Variants in ERI1 observed in about 807,000 individuals in gnomAD.
The protein encoded by ERI1 is exoribonuclease 1, also known as 3'-5' exoribonuclease 1.
A neutral mutation model predicts 39.7 loss-of-function variants in ERI1; 39 were observed. That is an observed-to-expected ratio of 0.98 (90% CI 0.76 to 1.28). The LOEUF is 1.28. Ranked by LOEUF, ERI1 falls within the 50% of genes most tolerant of loss-of-function variation. The probability of loss-of-function intolerance (pLI) is 0.00; values close to 1 mark genes in which losing one functional copy is unlikely to be tolerated. For synonymous variants in ERI1, 204 were observed against 149.6 expected, an observed-to-expected ratio of 1.36 and a Z score of -2.65; for missense variants, 581 against 416.9, an observed-to-expected ratio of 1.39 and a Z score of -3.43.
At chr8:9,045,351 C>T (rs1416977877) in intron 3 of ERI1, among the ~76,000 whole-genome samples, 3 of 152,142 alleles carry the variant, frequency 2.0e-5, no homozygotes, top group East Asian at 1.9e-4. Context: ...ACTTCCCCAT[C>T]CCACTTACGT....
chr8:9,038,853 G>T (rs1001398447), intron 3 of ERI1, among the ~76,000 whole-genome samples: 5 of 152,188 alleles, frequency 3.3e-5, no homozygotes, highest in African/African-American at 1.2e-4. Context: ...TATATATCTG[G>T]ATTAATATGA....
intron 6 of ERI1, among the ~76,000 whole-genome samples, chr8:9,021,318 C>A (rs1817869088): frequency 6.6e-6 from 1 of 152,126 alleles, no homozygotes; most frequent in Non-Finnish European, 1.5e-5. Flanking sequence ...CTTCCTGGAG[C>A]CTTTAATCCT....
downstream of ERI1, among the ~76,000 whole-genome samples, chr8:9,037,579 C>T (rs996130172): frequency 6.6e-6 from 1 of 151,612 alleles, no homozygotes; most frequent in East Asian, 1.9e-4. Context: ...GAACCTAAGA[C>T]ACAATGGGTG....
chr8:9,027,677 A>G (rs145506162), intron 6 of ERI1, among the ~76,000 whole-genome samples: 5 of 152,228 alleles, frequency 3.3e-5, no homozygotes, highest in Non-Finnish European at 5.9e-5. Context: ...TAAGGGTCCA[A>G]CTTCATTCTT....
At chr8:9,009,097 A>C (rs1816389261) in intron 2 of ERI1, 1 of 456,270 alleles carries the variant, frequency 2.2e-6, no homozygotes, top group Non-Finnish European at 4.4e-6. Flanking sequence ...TGTGAAGATC[A>C]GTTGCTTACT....
intron 1 of ERI1, 67 bp downstream of exon 1, chr8:9,003,238 CCTTT>C (rs1815564982): frequency 1.2e-5 from 12 of 987,972 alleles, no homozygotes; most frequent in Non-Finnish European, 1.6e-5. Flanking sequence ...CCTCGGCACC[CCTTT>C]CTTCTCAGGT....
At chr8:9,009,605 T>G (rs991076874) in intron 2 of ERI1, among the ~76,000 whole-genome samples, 2 of 151,736 alleles carry the variant, frequency 1.3e-5, no homozygotes, top group African/African-American at 4.8e-5. Flanking sequence ...AGTGGTGTGA[T>G]CTCGGCTCAC....
chr8:9,044,412 C>A (rs936144521), intron 3 of ERI1, among the ~76,000 whole-genome samples: 1 of 152,104 alleles, frequency 6.6e-6, no homozygotes, highest in Non-Finnish European at 1.5e-5. Context: ...AAGCCAGCGA[C>A]CAGGTCAGCA....
At chr8:9,052,642 A>T (rs541064251) in intron 3 of ERI1, among the ~76,000 whole-genome samples, 1 of 152,328 alleles carries the variant, frequency 6.6e-6, no homozygotes, top group South Asian at 2.1e-4. Flanking sequence ...TAACTTCAGG[A>T]TACATTTAGG....
intron 1 of ERI1, among the ~76,000 whole-genome samples, chr8:9,005,355 T>G (rs189127010): frequency 6.6e-6 from 1 of 152,266 alleles, no homozygotes; most frequent in East Asian, 1.9e-4. Context: ...ATGTGTTTTC[T>G]TTTTTCTTGC....
chr8:9,019,733 G>T (rs752727325), intron 5 of ERI1, among the ~76,000 whole-genome samples: 1 of 152,072 alleles, frequency 6.6e-6, no homozygotes, highest in Non-Finnish European at 1.5e-5. Flanking sequence ...AAAATACAAA[G>T]GATTATATCC....
At chr8:9,054,500 G>T (rs1484019388) in intron 3 of ERI1, among the ~76,000 whole-genome samples, 1 of 152,150 alleles carries the variant, frequency 6.6e-6, no homozygotes, top group East Asian at 1.9e-4. Context: ...CAAAAGACAG[G>T]AAAAAAGCAC....
intron 3 of ERI1, among the ~76,000 whole-genome samples, chr8:9,039,700 T>A (rs1338398871): frequency 2.0e-5 from 3 of 152,228 alleles, no homozygotes; most frequent in Middle Eastern, 3.2e-3. Flanking sequence ...TCTTTAGTGT[T>A]AATAATATTA....
At chr8:9,067,016 A>C (rs1448674526) in intron 3 of ERI1, among the ~76,000 whole-genome samples, 1 of 152,204 alleles carries the variant, frequency 6.6e-6, no homozygotes, top group African/African-American at 2.4e-5. Flanking sequence ...TTGCTGTGTA[A>C]ACCTGGCCAA....
chr8:9,024,980 T>C (rs1818317065), intron 6 of ERI1, among the ~76,000 whole-genome samples: 2 of 152,168 alleles, frequency 1.3e-5, no homozygotes, highest in Admixed American at 6.5e-5. Flanking sequence ...AAGTTGAAAG[T>C]GCAGTGAAGT....
intron 3 of ERI1, among the ~76,000 whole-genome samples, chr8:9,038,696 A>G (rs895239813): frequency 2.6e-4 from 39 of 152,230 alleles, no homozygotes; most frequent in African/African-American, 8.9e-4. Context: ...GGTGGAGGCT[A>G]CATTGCACGG....
chr8:9,077,131 C>T (rs867033685), intron 3 of ERI1, among the ~76,000 whole-genome samples: 1 of 152,176 alleles, frequency 6.6e-6, no homozygotes, highest in African/African-American at 2.4e-5. Flanking sequence ...ACTCCTTTTC[C>T]TGGTATTCAA....
At chr8:9,007,566 C>G (rs946436367) in intron 1 of ERI1, among the ~76,000 whole-genome samples, 11 of 152,100 alleles carry the variant, frequency 7.2e-5, no homozygotes, top group Non-Finnish European at 1.5e-4. Flanking sequence ...TAATTCTGCC[C>G]AAACACTATT....
intron 3 of ERI1, among the ~76,000 whole-genome samples, chr8:9,075,141 C>G (rs1000487469): frequency 2.0e-5 from 3 of 152,186 alleles, no homozygotes; most frequent in Non-Finnish European, 2.9e-5. Context: ...AAAATGTTTT[C>G]TAAATGAATC....
Sources: gnomAD v4.1 joint callset for allele counts (sites outside exome capture counted in the v4.1 genomes callset) on GRCh38, gnomAD v4.1.1 for gene constraint, MANE v1.5 for transcripts, NCBI Gene and HGNC (gene_info 2026-07-23, HGNC 2026-07-21) for gene names.